Variants in KCNN2 observed in about 807,000 individuals in gnomAD.
KCNN2 encodes potassium calcium-activated channel subfamily N member 2.
Under a neutral mutation model 55.5 loss-of-function variants are expected in KCNN2, and 24 were observed. The ratio of observed to expected loss-of-function variants is 0.43; its 90% CI spans 0.31 to 0.61. The LOEUF (loss-of-function observed/expected upper bound fraction) is 0.61. KCNN2 is among the 20% of genes least tolerant of loss of function. The pLI is 0.08. For missense variants in KCNN2, 754 were observed against 853.6 expected, an observed-to-expected ratio of 0.88 and a Z score of 1.45; for synonymous variants, 431 against 336.1, an observed-to-expected ratio of 1.28 and a Z score of -3.09.
intron 3 of KCNN2, among the ~76,000 whole-genome samples, chr5:114,451,663 A>G (rs140193801): frequency 0.059 from 9,020 of 152,174 alleles, 809 homozygotes; most frequent in African/African-American, 0.19. Context: ...TTGGGAGGCC[A>G]AGGCGGGCGG....
intron 2 of KCNN2, among the ~76,000 whole-genome samples, chr5:114,237,857 A>G (rs967137142): frequency 6.6e-6 from 1 of 152,176 alleles, no homozygotes; most frequent in Admixed American, 6.5e-5. Context: ...CCACGAGGTG[A>G]CTCAGGGAAC....
chr5:114,483,778 C>T (rs1353675038), intron 5 of KCNN2, among the ~76,000 whole-genome samples: 1 of 151,826 alleles, frequency 6.6e-6, no homozygotes, highest in African/African-American at 2.4e-5. Context: ...TCCTTCCCCC[C>T]ACTTTACTTA....
chr5:114,096,442 T>A (rs1033273760), intron 1 of KCNN2, among the ~76,000 whole-genome samples: 1 of 152,154 alleles, frequency 6.6e-6, no homozygotes, highest in African/African-American at 2.4e-5. Context: ...AATAAGGACT[T>A]GCACTATCTA....
At chr5:114,173,835 A>C (rs1387049238) in intron 1 of KCNN2, among the ~76,000 whole-genome samples, 1 of 151,978 alleles carries the variant, frequency 6.6e-6, no homozygotes, top group Non-Finnish European at 1.5e-5. Flanking sequence ...AAAGCAGAAA[A>C]TGTCTAAGAA....
At chr5:114,491,518 T>C (rs1377343731) in intron 6 of KCNN2, among the ~76,000 whole-genome samples, 2 of 150,050 alleles carry the variant, frequency 1.3e-5, no homozygotes, top group Non-Finnish European at 1.5e-5. Context: ...TCTTTTTTTT[T>C]TTTTTTTAAA....
chr5:114,343,934 C>T (rs898315725), intron 2 of KCNN2, among the ~76,000 whole-genome samples: 17 of 152,142 alleles, frequency 1.1e-4, no homozygotes, highest in African/African-American at 3.9e-4. Context: ...CTCGCCTATA[C>T]CTGGAGACAT....
At chr5:114,201,832 CCT>C (rs1753678292) in intron 1 of KCNN2, among the ~76,000 whole-genome samples, 1 of 151,572 alleles carries the variant, frequency 6.6e-6, no homozygotes, top group African/African-American at 2.4e-5. Flanking sequence ...GCCTGGTTTC[CCT>C]GTCTGTCCTT....
chr5:114,187,886 C>T (rs183225019), intron 1 of KCNN2, among the ~76,000 whole-genome samples: 37 of 150,938 alleles, frequency 2.5e-4, no homozygotes, highest in African/African-American at 8.8e-4. Context: ...GCAATCTCGG[C>T]TCACTGCAAC....
At chr5:114,392,162 G>A (rs1428869383) in intron 2 of KCNN2, among the ~76,000 whole-genome samples, 2 of 152,164 alleles carry the variant, frequency 1.3e-5, no homozygotes, top group African/African-American at 4.8e-5. Flanking sequence ...TATTGGGTTA[G>A]CCACTTGATA....
intron 2 of KCNN2, among the ~76,000 whole-genome samples, chr5:114,293,170 G>A (rs538174923): frequency 2.0e-5 from 3 of 152,266 alleles, no homozygotes; most frequent in South Asian, 2.1e-4. Context: ...TTTCCTAATT[G>A]TATACCCTTT....
chr5:114,147,134 CACTGCCTTTTCATT>C lies in KCNN2; in HGVS notation c.-270-74341_-270-74328del, dbSNP rs1215456460. Among the ~76,000 whole-genome samples, 5 of 152,270 alleles carry C rather than the reference CACTGCCTTTTCATT, an allele frequency of 3.3e-5. No homozygotes were observed. In the South Asian group the frequency reaches 1.0e-3, roughly 32 times the overall value. On this transcript the variant is annotated intron_variant, in intron 1 of 10. Coordinates refer to the KCNN2 transcript ENST00000512097. ...TGACTTTATCTTTTGGTCTTACGTACACTGCCTTTTCATTACTGGATCCATCAGTAAAAATGGTA... is the reference window on the plus strand; with the variant it reads ...TGACTTTATCTTTTGGTCTTACGTACACTGGATCCATCAGTAAAAATGGTA...
chr5:114,157,173 A>C (rs1479960365), intron 1 of KCNN2, among the ~76,000 whole-genome samples: 3 of 106,314 alleles, frequency 2.8e-5, no homozygotes, highest in Admixed American at 1.3e-4. Context: ...ACCCTACAGC[A>C]GTCCCTGGTG....
chr5:114,196,919 A>T (rs1216950922), intron 1 of KCNN2, among the ~76,000 whole-genome samples: 1 of 151,844 alleles, frequency 6.6e-6, no homozygotes. Flanking sequence ...CTAGTTTCTT[A>T]AGATAAAAGG....
At chr5:114,416,048 T>C (rs1759294313) in intron 3 of KCNN2, among the ~76,000 whole-genome samples, 1 of 152,196 alleles carries the variant, frequency 6.6e-6, no homozygotes, top group Non-Finnish European at 1.5e-5. Flanking sequence ...GTCTTTCTTT[T>C]CTAGTAACCA....
chr5:114,239,843 A>C (rs892274291), intron 2 of KCNN2, among the ~76,000 whole-genome samples: 7 of 152,228 alleles, frequency 4.6e-5, no homozygotes, highest in South Asian at 2.1e-4. Flanking sequence ...TTGAACTATC[A>C]GTTGAAAGCA....
At chr5:114,444,925 A>G (rs1760347337) in intron 3 of KCNN2, among the ~76,000 whole-genome samples, 1 of 152,162 alleles carries the variant, frequency 6.6e-6, no homozygotes, top group Admixed American at 6.5e-5. Flanking sequence ...CATTGCATCA[A>G]GTACAGTGAT....
intron 1 of KCNN2, among the ~76,000 whole-genome samples, chr5:114,101,748 T>C (rs951843332): frequency 3.0e-4 from 46 of 152,144 alleles, no homozygotes; most frequent in Non-Finnish European, 5.7e-4. Flanking sequence ...TCTATGTCCC[T>C]GAAGAAAACA....
At chr5:114,064,949 G>C (rs1050016536) in intron 1 of KCNN2, among the ~76,000 whole-genome samples, 6 of 152,176 alleles carry the variant, frequency 3.9e-5, no homozygotes, top group African/African-American at 1.4e-4. Flanking sequence ...TTAGGGTGCT[G>C]TTAGTTTTTG....
intron 3 of KCNN2, among the ~76,000 whole-genome samples, chr5:114,443,856 C>G (rs2416372): frequency 6.6e-6 from 1 of 152,182 alleles, no homozygotes. Context: ...TTCTCTGCTC[C>G]TAATTTGTCA....
Sources: allele counts gnomAD v4.1 joint callset (sites outside exome capture counted in the v4.1 genomes callset), GRCh38; gene constraint gnomAD v4.1.1; transcripts MANE v1.5; gene names NCBI Gene and HGNC (gene_info 2026-07-23, HGNC 2026-07-21).